GPALPP1: variants seen among roughly 807,000 people sequenced by gnomAD.
The protein encoded by GPALPP1 is GPALPP motifs-containing protein 1.
In GPALPP1, 30 loss-of-function variants were observed where a neutral mutation model predicts 38.9. The observed-to-expected ratio is 0.77, with a 90% CI of 0.58 to 1.05. GPALPP1 has a LOEUF of 1.05. GPALPP1 is among the 50% of genes least tolerant of loss of function. The pLI is 0.00. For synonymous variants in GPALPP1, 120 were observed against 139.2 expected (o/e 0.86, Z 0.97); for missense variants, 384 against 408.8 (o/e 0.94, Z 0.52).
chr13:45,024,313 G>C lies in GPALPP1; in HGVS notation c.805-3472G>C, dbSNP rs185799664. On this transcript the variant is annotated intron_variant, in intron 7 of 7. Transcript: ENST00000379151. ...GTGTGTGTGTGTGTGTGTGTGTTTT[G>C]AGACTGAGTCTCGCTCTGCTCCATT... Among the ~76,000 whole-genome samples, 147 of 137,500 alleles carry C rather than the reference G, an allele frequency of 1.1e-3. 3 individuals carry two copies. The South Asian group carries it at 0.015, about 14-fold the overall frequency. The allele number at this position is 137,500 out of a possible 152,430, so 90.2% of individuals were successfully genotyped here. A position where few individuals can be genotyped will look rare whatever the true frequency, so the allele number is the denominator to read the frequency against.
intron 4 of GPALPP1, among the ~76,000 whole-genome samples, chr13:45,014,708 G>A (rs965558705): frequency 6.6e-6 from 1 of 152,166 alleles, no homozygotes. Flanking sequence ...GGTCTGTCAT[G>A]GACACAGGAA....
intron 1 of GPALPP1, among the ~76,000 whole-genome samples, chr13:44,999,489 C>G (rs1424225353): frequency 6.6e-6 from 1 of 152,134 alleles, no homozygotes; most frequent in African/African-American, 2.4e-5. Context: ...ATTCATAGTT[C>G]AGAAGGATAT....
Position 44,989,728 on chromosome 13 carries a change from G to A in GPALPP1, c.74G>A (p.Arg25Gln), listed in dbSNP as rs1251603564. Residue 25 changes from arginine (R) to glutamine (Q), a missense_variant, in exon 1 of 8, where the codon CGG becomes CAG. Coordinates refer to ENST00000379151, the MANE Select transcript of GPALPP1 (RefSeq NM_018559.5). The stretch of plus-strand genomic sequence containing the variant: ...CGCGGAACAGCGGAGGACGAAGAGC[G>A]GGACCCGAGCCCTGGTAAGCGGCGG... ...KARGTAEDEE[R>Q]DPSPVAGPAL... The A allele has an allele frequency of 3.1e-6, 5 of 1,608,892 alleles. No homozygotes were observed. Among genetic ancestry groups the A allele is most frequent in the Non-Finnish European group, 4.2e-6 (5 of 1,179,364 alleles).
Position 44,997,206 on chromosome 13 carries a change from T to C in GPALPP1, c.89-7099T>C, listed in dbSNP as rs539867929. Among the ~76,000 whole-genome samples, 8 of 152,252 alleles carry C rather than the reference T, an allele frequency of 5.3e-5. No homozygotes were observed. The East Asian group carries it at 1.5e-3, about 29-fold the overall frequency. On this transcript the variant is annotated intron_variant, in intron 1 of 7. Transcript: ENST00000379151. ...GTGAAGATTCCTGAATCCAGTCTGT[T>C]ATCTGTCCTGTGTTCCTCACACTCT...
intron 1 of GPALPP1, among the ~76,000 whole-genome samples, chr13:44,999,823 C>A (rs1358182160): frequency 1.3e-5 from 2 of 152,164 alleles, no homozygotes; most frequent in Non-Finnish European, 2.9e-5. Context: ...CATGATCCGC[C>A]TGCCTTGTCC....
chr13:45,002,893 G>T (rs1233939158), intron 1 of GPALPP1, among the ~76,000 whole-genome samples: 1 of 152,166 alleles, frequency 6.6e-6, no homozygotes, highest in East Asian at 1.9e-4. Flanking sequence ...CCATTCAAAT[G>T]TCTTTTTCTC....
rs953473045 is a variant in GPALPP1 at position 45,029,703 on chromosome 13, A to C, written c.*1700A>C. The C allele has an allele frequency of 1.3e-5, 2 of 152,168 alleles. No homozygotes were observed. The highest frequency in any genetic ancestry group is 2.9e-5 in the Non-Finnish European group (2 of 68,032). The allele number at this position is 152,168 out of a possible 1,614,324, so 9.4% of individuals were successfully genotyped here. A position where few individuals can be genotyped will look rare whatever the true frequency, so the allele number is the denominator to read the frequency against. ...CTTTAAACTGCAGCCAGTGAATACA[A>C]ATTTACTTGAAAATAGAGGGTATGG... is the stretch of plus-strand genomic sequence containing the variant. On this transcript the variant is annotated 3_prime_UTR_variant, in exon 8 of 8. Coordinates refer to ENST00000379151, the MANE Select transcript of GPALPP1 (RefSeq NM_018559.5).
intron 1 of GPALPP1, among the ~76,000 whole-genome samples, chr13:44,992,419 G>GT (rs1258019840): frequency 1.2e-4 from 18 of 152,058 alleles, no homozygotes; most frequent in South Asian, 8.3e-4. Flanking sequence ...TAATTCTGTG[G>GT]TTTTTTCACT....
exon 8 of GPALPP1, chr13:45,037,095 T>G (rs2138033663): frequency 6.6e-6 from 1 of 152,380 alleles, no homozygotes; most frequent in Non-Finnish European, 1.5e-5. Flanking sequence ...ATTTCAAAGT[T>G]CATTTTCATA....
intron 7 of GPALPP1, among the ~76,000 whole-genome samples, chr13:45,022,549 C>G (rs901376933): frequency 3.3e-5 from 5 of 151,998 alleles, no homozygotes; most frequent in African/African-American, 1.2e-4. Flanking sequence ...TAATCTGAAG[C>G]CTGAAAGCTG....
At chr13:44,999,197 A>G (rs1473096884) in intron 1 of GPALPP1, among the ~76,000 whole-genome samples, 1 of 152,206 alleles carries the variant, frequency 6.6e-6, no homozygotes, top group Non-Finnish European at 1.5e-5. Flanking sequence ...CCTAGTCATC[A>G]GAATCAGTTG....
At chr13:45,015,629 C>G (rs1377453923) in intron 6 of GPALPP1, 33 bp downstream of exon 6, 2 of 1,369,372 alleles carry the variant, frequency 1.5e-6, no homozygotes, top group African/African-American at 3.0e-5. Context: ...TCATGTATTT[C>G]TGTTCATGTT....
At chr13:44,990,067 CAA>C (rs1346972499) in intron 1 of GPALPP1, 2 of 513,950 alleles carry the variant, frequency 3.9e-6, no homozygotes, top group African/African-American at 3.9e-5. Flanking sequence ...TCCCATGTTG[CAA>C]ATGGGTACGC....
chr13:45,024,351 G>A (rs1335959994), intron 7 of GPALPP1, among the ~76,000 whole-genome samples: 2 of 151,482 alleles, frequency 1.3e-5, no homozygotes, highest in Admixed American at 1.3e-4. Context: ...CCAGGCTGGA[G>A]TGCAGTGGCG....
intron 1 of GPALPP1, among the ~76,000 whole-genome samples, chr13:44,998,855 A>G (rs1344758178): frequency 3.3e-5 from 5 of 152,212 alleles, no homozygotes; most frequent in Non-Finnish European, 5.9e-5. Flanking sequence ...GGTTCAACCA[A>G]CTCTAGATTG....
intron 3 of GPALPP1, among the ~76,000 whole-genome samples, chr13:45,008,171 G>A (rs1398479061): frequency 6.6e-6 from 1 of 152,164 alleles, no homozygotes; most frequent in Non-Finnish European, 1.5e-5. Flanking sequence ...CTTGAAATAT[G>A]GTTAGCACGG....
rs1326152167 is a variant in GPALPP1, at chr13:45,029,510, C to T, written c.*1507C>T. On this transcript the variant is annotated 3_prime_UTR_variant, in exon 8 of 8. Transcript: ENST00000379151. ...ATTATTTTAAGAGGCTTCCATTCCC[C>T]CTGATTTTTGTGGTGTCTCACAAGT... is the stretch of plus-strand genomic sequence containing the variant. 4 of 152,124 alleles carry T rather than the reference C, an allele frequency of 2.6e-5. No homozygotes were observed. Among genetic ancestry groups the T allele is most frequent in the African/African-American group, 7.2e-5 (3 of 41,420 alleles). 9.4% of individuals were successfully genotyped at this position (152,124 alleles called of 1,614,324 possible).
chr13:45,015,797 A>G (rs554582443), intron 6 of GPALPP1, among the ~76,000 whole-genome samples: 3 of 152,178 alleles, frequency 2.0e-5, no homozygotes, highest in Non-Finnish European at 4.4e-5. Flanking sequence ...TTCCCAATAA[A>G]CGGTCTCATT....
In GPALPP1 at chr13:45,021,279, A is replaced by T. The variant is rs75185180; in HGVS notation, c.804+851A>T. ...TAAAGAAAATTCCATAAGCTCTAAA[A>T]TATAGTTAGCTTGATTTATATATGT... is the stretch of plus-strand genomic sequence containing the variant. On this transcript the variant is annotated intron_variant, in intron 7 of 7. Coordinates refer to ENST00000379151, the MANE Select transcript of GPALPP1 (RefSeq NM_018559.5). Among the ~76,000 whole-genome samples the T allele has an allele frequency of 9.3e-4, 141 of 152,332 alleles. 1 individual carries two copies. In the East Asian group the frequency reaches 0.022, roughly 24 times the overall value.
Sources: allele counts gnomAD v4.1 joint callset (sites outside exome capture counted in the v4.1 genomes callset), GRCh38; gene constraint gnomAD v4.1.1; transcripts MANE v1.5; gene names NCBI Gene and HGNC (gene_info 2026-07-23, HGNC 2026-07-21).